The following HAL variants were observed in gnomAD, a reference collection of about 807,000 sequenced individuals.
The protein encoded by HAL is histidase.
HAL carries 85 observed loss-of-function variants against 81.1 expected under a neutral mutation model. The observed-to-expected ratio is 1.05, with a 90% CI of 0.88 to 1.25. The LOEUF is 1.25. Ranked by LOEUF, HAL falls within the 50% of genes most tolerant of loss-of-function variation. HAL has a pLI of 0.00. For missense variants in HAL, 798 were observed against 836.6 expected (o/e 0.95, Z 0.57); for synonymous variants, 301 against 309.2 (o/e 0.97, Z 0.28).
At chr12:95,994,639 C>G (rs1482568055) in intron 4 of HAL, among the ~76,000 whole-genome samples, 159 bp downstream of exon 4, 1 of 152,230 alleles carries the variant, frequency 6.6e-6, no homozygotes, top group African/African-American at 2.4e-5. Flanking sequence ...AACTGCCCAC[C>G]TCGGCCACCC....
chr12:95,994,641 C>G (rs1950010449), intron 4 of HAL, among the ~76,000 whole-genome samples, 157 bp downstream of exon 4: 1 of 152,182 alleles, frequency 6.6e-6, no homozygotes, highest in African/African-American at 2.4e-5. Flanking sequence ...CTGCCCACCT[C>G]GGCCACCCAA....
chr12:95,995,816 A>C lies in HAL; in HGVS notation c.95T>G (p.Val32Gly), dbSNP rs1164622974. ...LTVGWLGREA[V>G]RRYIKNKPDN... ...GGGCTTATTCTTGATATAGCGCCTC[A>C]CGGCCTCCCGGCCCAGCCAGCCCAC... Residue 32 changes from valine (V) to glycine (G), a missense_variant, in exon 2 of 21, where the codon GTG (valine) becomes GGG (glycine). By Grantham distance (109) the Val-to-Gly change is moderately radical. Coordinates refer to ENST00000261208, the MANE Select transcript of HAL (RefSeq NM_002108.4). 1.2e-5 allele frequency: 19 copies of C among 1,612,518 alleles called. No individual in the cohort carries two copies. The highest frequency in any genetic ancestry group is 1.5e-5 in the Non-Finnish European group (18 of 1,179,998).
chr12:95,990,188 C>A, intron 10 of HAL: 1 of 631,040 alleles, frequency 1.6e-6, no homozygotes, highest in East Asian at 2.8e-5. Flanking sequence ...ATGACCAAAC[C>A]CAGAAGGCTG....
In HAL at chr12:95,974,247, C is replaced by A. The variant is rs1012465644; in HGVS notation, c.1959G>T (p.Glu653Asp). ...ACAAAGCCCATTAAAGGTCCTCAGA[C>A]TCCGGGATTTTGGTGGATTTCTTGT... is the stretch of plus-strand genomic sequence containing the variant. ...FLHKKSTKIP[E>D]SEDL Residue 653 changes from glutamate (E) to aspartate (D), a missense_variant, in exon 21 of 21, where the codon GAG becomes GAT. By Grantham distance (45) the Glu-to-Asp change is conservative. Coordinates refer to ENST00000261208, the MANE Select transcript of HAL (RefSeq NM_002108.4). 49 of 1,613,964 alleles carry A rather than the reference C, an allele frequency of 3.0e-5. No individual in the cohort carries two copies. Among genetic ancestry groups the A allele is most frequent in the Non-Finnish European group, 4.1e-5 (48 of 1,179,944 alleles).
At chr12:95,975,662 G>T (rs1108405) in intron 20 of HAL, among the ~76,000 whole-genome samples, 11,527 of 151,974 alleles carry the variant, frequency 0.076, 707 homozygotes, top group East Asian at 0.33. Flanking sequence ...CTAACCTCTC[G>T]TATACCTCCC....
Position 95,995,821 on chromosome 12 carries a change from C to A in HAL, c.90G>T (p.Glu30Asp). Residue 30 changes from glutamate (E) to aspartate (D), a missense_variant, in exon 2 of 21, where the codon GAG (glutamate) becomes GAT (aspartate). Glu to Asp is a conservative substitution (Grantham distance 45). Transcript: ENST00000261208. ...TATTCTTGATATAGCGCCTCACGGC[C>A]TCCCGGCCCAGCCAGCCCACAGTGA... ...AQLTVGWLGR[E>D]AVRRYIKNKP... is the part of the protein sequence containing the mutation. 1.2e-6 allele frequency: 2 copies of A among 1,612,290 alleles called. No individual in the cohort carries two copies.
chr12:95,993,175 T>G (rs1949992757), intron 8 of HAL, among the ~76,000 whole-genome samples: 1 of 152,196 alleles, frequency 6.6e-6, no homozygotes, highest in African/African-American at 2.4e-5. Flanking sequence ...AACTCATTCT[T>G]TGAGTTCCAG....
Position 95,993,500 on chromosome 12 carries a change from A to G in HAL, c.552-12T>C. 6.3e-7 allele frequency: 1 copy of G among 1,576,838 alleles called. No homozygotes were observed. Among genetic ancestry groups the G allele is most frequent in the Non-Finnish European group, 8.7e-7 (1 of 1,145,854 alleles). ...TGACCTGAAGCTCCCTGCAACAGAA[A>G]GGTAAAAACCCTCTTAGATACATTG... is the stretch of plus-strand genomic sequence containing the variant. On this transcript the variant is annotated splice_polypyrimidine_tract_variant and intron_variant, in intron 7 of 20. Coordinates refer to ENST00000261208, the MANE Select transcript of HAL (RefSeq NM_002108.4).
At chr12:95,983,089 TAAA>T (rs1231181665) in intron 15 of HAL, among the ~76,000 whole-genome samples, 1 of 152,066 alleles carries the variant, frequency 6.6e-6, no homozygotes, top group Non-Finnish European at 1.5e-5. Context: ...GCATGACAAA[TAAA>T]AACTCATGAT....
Position 95,994,936 on chromosome 12 carries a change from TAAAC to T in HAL, c.301_304del (p.Val101IlefsTer15), listed in dbSNP as rs909686505. On this transcript the variant is annotated frameshift_variant, in exon 3 of 21. Coordinates refer to ENST00000261208, the MANE Select transcript of HAL (RefSeq NM_002108.4). LOFTEE classifies it high-confidence loss of function. ...AAGAGCCTGTGGGAAAGGATACAGATAAACTCCTTCTGGTTGAGATGGAATGAAG... is the reference window on the plus strand; with the variant it reads ...AAGAGCCTGTGGGAAAGGATACAGATTCCTTCTGGTTGAGATGGAATGAAG... The T allele has an allele frequency of 1.2e-6, 2 of 1,612,570 alleles. No individual in the cohort carries two copies. Among genetic ancestry groups the T allele is most frequent in the African/African-American group, 1.3e-5 (1 of 74,988 alleles).
intron 15 of HAL, among the ~76,000 whole-genome samples, chr12:95,983,453 CT>C (rs1949835412): frequency 1.3e-5 from 2 of 152,094 alleles, no homozygotes; most frequent in African/African-American, 4.8e-5. Flanking sequence ...TTAATCAATA[CT>C]TTGGTAAGTG....
chr12:95,990,829 G>A (rs1047783349), intron 9 of HAL, among the ~76,000 whole-genome samples: 1 of 152,178 alleles, frequency 6.6e-6, no homozygotes, highest in Non-Finnish European at 1.5e-5. Flanking sequence ...GGAAAGAAGG[G>A]CCAGGCGCAG....
intron 20 of HAL, 126 bp downstream of exon 20, chr12:95,976,303 A>G: frequency 1.2e-6 from 1 of 820,166 alleles, no homozygotes; most frequent in Admixed American, 1.7e-5. Context: ...TTGTTGCTCA[A>G]ATACCTTTTT....
In HAL at chr12:95,987,074, A is replaced by G. The variant is rs1949898355; in HGVS notation, c.1044T>C (p.Phe348=). 2 of 1,613,258 alleles carry G rather than the reference A, an allele frequency of 1.2e-6. No individual in the cohort carries two copies. Among genetic ancestry groups the G allele is most frequent in the Non-Finnish European group, 1.7e-6 (2 of 1,179,402 alleles). The change falls in exon 12 of 21, where the codon TTT becomes TTC. Residue 348 remains phenylalanine, a synonymous_variant. Transcript: ENST00000261208. The part of the protein sequence containing the change: ...LEVLKGTTKA[F]DTDIHALRPH... The stretch of plus-strand genomic sequence containing the variant: ...AGGAAGAACCCTGCTGACCAGTGTC[A>G]AAGGCTTTGGTGGTGCCCTTCAGCA...
intron 2 of HAL, 80 bp from the exon 3 acceptor site, chr12:95,995,073 C>T (rs1304237339): frequency 1.5e-5 from 15 of 1,031,346 alleles, no homozygotes; most frequent in Non-Finnish European, 2.2e-5. Flanking sequence ...AACGGCCCAT[C>T]ATTGGCCCAT....
intron 17 of HAL, among the ~76,000 whole-genome samples, chr12:95,979,068 C>A (rs1208712272): frequency 6.6e-6 from 1 of 152,132 alleles, no homozygotes; most frequent in African/African-American, 2.4e-5. Context: ...GGAAAGATAA[C>A]TTACAAGGGC....
chr12:95,993,547 G>C, intron 7 of HAL, 59 bp from the exon 8 acceptor site: 1 of 1,165,054 alleles, frequency 8.6e-7, no homozygotes, highest in Non-Finnish European at 1.3e-6. Context: ...TGTTCCCTCA[G>C]CTGGGAAAAT....
At chr12:95,987,892 C>A (rs1244514821) in intron 11 of HAL, among the ~76,000 whole-genome samples, 2 of 29,896 alleles carry the variant, frequency 6.7e-5, no homozygotes, top group Admixed American at 1.0e-3. Context: ...TCTTTTTTGG[C>A]GGGGCGGGGG....
At chr12:95,988,362 C>G in intron 10 of HAL, 122 bp from the exon 11 acceptor site, 1 of 712,392 alleles carries the variant, frequency 1.4e-6, no homozygotes, top group Non-Finnish European at 2.5e-6. Flanking sequence ...GAAATGAGAC[C>G]TACAGGAACT....
Sources: gnomAD v4.1 joint callset for allele counts (sites outside exome capture counted in the v4.1 genomes callset) on GRCh38, gnomAD v4.1.1 for gene constraint, MANE v1.5 for transcripts, NCBI Gene and HGNC (gene_info 2026-07-23, HGNC 2026-07-21) for gene names.